Variants in GATAD2B observed in about 807,000 individuals in gnomAD.
The protein encoded by GATAD2B is GATA zinc finger domain containing 2B.
GATAD2B carries 8 observed loss-of-function variants against 64.3 expected under a neutral mutation model. The ratio of observed to expected loss-of-function variants is 0.12; its 90% CI spans 0.07 to 0.22. The LOEUF (loss-of-function observed/expected upper bound fraction) is 0.22, where lower values mean the gene tolerates loss of function less well. Ranked by LOEUF, GATAD2B falls within the 10% of genes least tolerant of loss-of-function variation. GATAD2B has a pLI of 1.00. For missense variants in GATAD2B, 453 were observed against 752.0 expected (o/e 0.60, Z 4.65); for synonymous variants, 281 against 271.3 (o/e 1.04, Z -0.35).
In GATAD2B at chr1:153,859,679, T is replaced by TA. The variant is rs1188453796; in HGVS notation, c.-1-31332dup. Among the ~76,000 whole-genome samples, 465 of 114,452 alleles carry TA rather than the reference T, an allele frequency of 4.1e-3. 2 individuals are homozygous for TA. Among genetic ancestry groups the TA allele is most frequent in the South Asian group, 0.011 (42 of 3,680 alleles). 75.1% of individuals were successfully genotyped at this position (114,452 alleles called of 152,430 possible). On this transcript the variant is annotated intron_variant, in intron 1 of 10. Transcript: ENST00000368655. Reference sequence around the variant, plus strand: ...AGTGAGACTCCATCTCAAAAAAAAATAATAAAAAAAAAAAAAGACCATAGA... The same window carrying TA: ...AGTGAGACTCCATCTCAAAAAAAAATAAATAAAAAAAAAAAAAGACCATAGA...
intron 4 of GATAD2B, 144 bp from the exon 5 acceptor site, chr1:153,818,315 T>A (rs1175123252): frequency 5.5e-4 from 20 of 36,460 alleles, no homozygotes; most frequent in Non-Finnish European, 1.1e-3. Context: ...CAAGGTTTTC[T>A]TTTTTTTTTT....
At chr1:153,875,922 T>C (rs749983313) in intron 1 of GATAD2B, among the ~76,000 whole-genome samples, 1 of 151,786 alleles carries the variant, frequency 6.6e-6, no homozygotes, top group Non-Finnish European at 1.5e-5. Context: ...ATAAACTGAG[T>C]AACTTCATAC....
At chr1:153,882,335 C>T (rs995427898) in intron 1 of GATAD2B, among the ~76,000 whole-genome samples, 7 of 152,070 alleles carry the variant, frequency 4.6e-5, no homozygotes, top group Admixed American at 6.6e-5. Flanking sequence ...AGACATACTG[C>T]CCACCAAACT....
chr1:153,865,458 C>G (rs530323410), intron 1 of GATAD2B, among the ~76,000 whole-genome samples: 64 of 152,092 alleles, frequency 4.2e-4, no homozygotes, highest in Non-Finnish European at 8.5e-4. Flanking sequence ...GAGACTCCAT[C>G]TCAAAAACAA....
intron 1 of GATAD2B, among the ~76,000 whole-genome samples, chr1:153,911,560 C>A (rs1003440658): frequency 2.6e-5 from 4 of 152,022 alleles, no homozygotes; most frequent in African/African-American, 4.8e-5. Flanking sequence ...CATGGTGAAA[C>A]CCTGTCTCTA....
chr1:153,853,643 C>T (rs1675986370), intron 1 of GATAD2B, among the ~76,000 whole-genome samples: 1 of 152,076 alleles, frequency 6.6e-6, no homozygotes, highest in Non-Finnish European at 1.5e-5. Context: ...GCTTTTGTTG[C>T]CTGTGTTTTT....
intron 3 of GATAD2B, 81 bp downstream of exon 3, chr1:153,819,525 A>G (rs1674599531): frequency 2.8e-6 from 3 of 1,059,634 alleles, no homozygotes; most frequent in Admixed American, 4.8e-5. Context: ...AAATAGTCAA[A>G]AAACAGAACT....
chr1:153,817,646 T>A, intron 5 of GATAD2B, 104 bp from the exon 6 acceptor site: 1 of 718,436 alleles, frequency 1.4e-6, no homozygotes, highest in Non-Finnish European at 2.2e-6. Flanking sequence ...CATAGCTAAG[T>A]AGAAACACAG....
At chr1:153,810,832 C>T (rs764331077) in intron 10 of GATAD2B, among the ~76,000 whole-genome samples, 1 of 151,898 alleles carries the variant, frequency 6.6e-6, no homozygotes, top group Non-Finnish European at 1.5e-5. Context: ...GGCACAATCT[C>T]AGCTCACTGC....
intron 5 of GATAD2B, 151 bp from the exon 6 acceptor site, chr1:153,817,693 TATGGGATAA>T (rs1674530467): frequency 5.1e-6 from 3 of 592,584 alleles, no homozygotes; most frequent in Non-Finnish European, 5.6e-6. Context: ...TTTAATGGTC[TATGGGATAA>T]ATCTACCATC....
chr1:153,892,998 ATCT>A (rs1247328252), intron 1 of GATAD2B, among the ~76,000 whole-genome samples: 1 of 151,962 alleles, frequency 6.6e-6, no homozygotes, highest in Non-Finnish European at 1.5e-5. Context: ...CGGCCAAGAA[ATCT>A]TCTTTATTGA....
At chr1:153,854,708 G>GGTCTGGAAATTTAACATT (rs1222275971) in intron 1 of GATAD2B, among the ~76,000 whole-genome samples, 1 of 152,038 alleles carries the variant, frequency 6.6e-6, no homozygotes, top group Non-Finnish European at 1.5e-5. Context: ...AAAATATGCT[G>GGTCTGGAAATTTAACATT]GTCTGGAAAT....
chr1:153,845,049 A>G (rs564340193), intron 1 of GATAD2B, among the ~76,000 whole-genome samples: 1 of 152,354 alleles, frequency 6.6e-6, no homozygotes, highest in South Asian at 2.1e-4. Context: ...ACAGATATTA[A>G]TATTGTAACT....
chr1:153,879,155 C>CGTCTCTTA (rs1380062580), intron 1 of GATAD2B, among the ~76,000 whole-genome samples: 1 of 152,052 alleles, frequency 6.6e-6, no homozygotes, highest in Admixed American at 6.6e-5. Context: ...TAGCCAGGAT[C>CGTCTCTTA]GTCTCTTATC....
chr1:153,813,045 T>C (rs1674347942), intron 8 of GATAD2B, among the ~76,000 whole-genome samples: 1 of 152,240 alleles, frequency 6.6e-6, no homozygotes, highest in African/African-American at 2.4e-5. Flanking sequence ...TTTCTGTCCC[T>C]TTCTGTTAAC....
At chr1:153,907,258 A>C (rs776240382) in intron 1 of GATAD2B, among the ~76,000 whole-genome samples, 10 of 152,256 alleles carry the variant, frequency 6.6e-5, no homozygotes, top group Non-Finnish European at 1.3e-4. Context: ...CAATCCAGAT[A>C]TCCACCAACC....
At position 153,908,131 on chromosome 1, in the gene GATAD2B, T is replaced by C. The variant is rs1348757678; in HGVS notation, c.-2+14602A>G. Among the ~76,000 whole-genome samples the C allele has an allele frequency of 2.6e-5, 4 of 152,114 alleles. No homozygotes were observed. The East Asian group carries it at 7.7e-4, about 29-fold the overall frequency. On this transcript the variant is annotated intron_variant, in intron 1 of 10. Coordinates refer to ENST00000368655, the MANE Select transcript of GATAD2B (RefSeq NM_020699.4). ...GATGGTAAATTTTATGTTATGTACA[T>C]TTTAACACAAACACACACTCACGCA...
chr1:153,896,924 C>A (rs1049353340), intron 1 of GATAD2B, among the ~76,000 whole-genome samples: 6 of 152,052 alleles, frequency 3.9e-5, no homozygotes, highest in African/African-American at 1.4e-4. Context: ...TTAGTAAGAC[C>A]CATTTTTGAA....
rs1676773152 is a variant in GATAD2B at position 153,874,776 on chromosome 1, C to T, written c.-1-46428G>A. Among the ~76,000 whole-genome samples the T allele has an allele frequency of 2.0e-5, 3 of 151,900 alleles. No homozygotes were observed. In the South Asian group the frequency reaches 6.2e-4, roughly 32 times the overall value. ...ATTTTTAGTAGAGACAGGGTTTCAT[C>T]ATATTGCTCAGACTGGTCTTGAACT... is the stretch of plus-strand genomic sequence containing the variant. On this transcript the variant is annotated intron_variant, in intron 1 of 10. Transcript: ENST00000368655.
Sources: gnomAD v4.1 joint callset for allele counts (sites outside exome capture counted in the v4.1 genomes callset) on GRCh38, gnomAD v4.1.1 for gene constraint, MANE v1.5 for transcripts, NCBI Gene and HGNC (gene_info 2026-07-23, HGNC 2026-07-21) for gene names.